Variants in CD247 observed in about 807,000 individuals in gnomAD.
CD247 encodes T-cell surface glycoprotein CD3 zeta chain.
CD247 carries 13 observed loss-of-function variants against 30.0 expected under a neutral mutation model. The observed-to-expected ratio is 0.43, with a 90% confidence interval of 0.28 to 0.69. CD247 has a LOEUF of 0.69. Ranked by LOEUF, CD247 falls within the 30% of genes least tolerant of loss-of-function variation. CD247 has a pLI of 0.16. For missense variants in CD247, 193 were observed against 212.6 expected, an observed-to-expected ratio of 0.91 and a Z score of 0.57; for synonymous variants, 72 against 80.0, an observed-to-expected ratio of 0.90 and a Z score of 0.53.
intron 1 of CD247, among the ~76,000 whole-genome samples, chr1:167,443,782 T>A (rs926423134): frequency 6.6e-6 from 1 of 152,044 alleles, no homozygotes; most frequent in Non-Finnish European, 1.5e-5. Context: ...TGATGACAAG[T>A]GTGCTGTGTG....
At chr1:167,485,804 C>A (rs886896131) in intron 1 of CD247, among the ~76,000 whole-genome samples, 9 of 152,266 alleles carry the variant, frequency 5.9e-5, no homozygotes, top group African/African-American at 2.2e-4. Context: ...CTATTTCCCA[C>A]CAAAACAATA....
chr1:167,458,571 C>A (rs1226308360), intron 1 of CD247: 2 of 152,078 alleles, frequency 1.3e-5, no homozygotes, highest in African/African-American at 4.8e-5. Context: ...GCTTGACGAA[C>A]TTTTACTCAT....
Position 167,491,427 on chromosome 1 carries a change from A to G in CD247, c.58+26981T>C, listed in dbSNP as rs1654445708. Among the ~76,000 whole-genome samples, 4 of 152,186 alleles carry G rather than the reference A, an allele frequency of 2.6e-5. No homozygotes were observed. The South Asian group carries it at 8.3e-4, about 32-fold the overall frequency. On this transcript the variant is annotated intron_variant, in intron 1 of 7. Coordinates refer to ENST00000362089, the MANE Select transcript of CD247 (RefSeq NM_198053.3). ...CTACTAAAAATACAAAATTAGCCGGACATGGTGGCCCATGCCTGTAATCCC... is the reference window on the plus strand; with the variant it reads ...CTACTAAAAATACAAAATTAGCCGGGCATGGTGGCCCATGCCTGTAATCCC...
intron 1 of CD247, among the ~76,000 whole-genome samples, chr1:167,446,381 C>T (rs1652078913): frequency 6.6e-6 from 1 of 152,154 alleles, no homozygotes; most frequent in Non-Finnish European, 1.5e-5. Flanking sequence ...GTCAGAAAGA[C>T]TCTAAGACTC....
intron 1 of CD247, among the ~76,000 whole-genome samples, chr1:167,489,682 G>T (rs373629880): frequency 2.6e-5 from 4 of 152,110 alleles, no homozygotes; most frequent in African/African-American, 7.2e-5. Flanking sequence ...GAGGCTGAAG[G>T]GTTCCTGCCC....
intron 1 of CD247, among the ~76,000 whole-genome samples, chr1:167,459,292 A>T (rs79431000): frequency 0.018 from 2,697 of 148,922 alleles, 86 homozygotes; most frequent in African/African-American, 0.063. Flanking sequence ...CCAATTGTTA[A>T]TTTTTTTTAA....
At chr1:167,441,832 T>TG in intron 1 of CD247, among the ~76,000 whole-genome samples, 1 of 152,212 alleles carries the variant, frequency 6.6e-6, no homozygotes, top group East Asian at 1.9e-4. Flanking sequence ...ATTTTTGGGC[T>TG]GGGGGCGGTG....
chr1:167,450,473 GAC>G (rs1652301753), intron 1 of CD247, among the ~76,000 whole-genome samples: 1 of 152,042 alleles, frequency 6.6e-6, no homozygotes, highest in Non-Finnish European at 1.5e-5. Flanking sequence ...CAGCCTGGTT[GAC>G]AGAGTGAGAC....
In CD247 at chr1:167,485,946, C is replaced by T. The variant is rs34588019; in HGVS notation, c.58+32462G>A. ...CAGGTAATTAACTGAAAGAAAACGA[C>T]TGGAGGCTGGGGAGGGGAGGGTTAA... On this transcript the variant is annotated intron_variant, in intron 1 of 7. Coordinates refer to ENST00000362089, the MANE Select transcript of CD247 (RefSeq NM_198053.3). Among the ~76,000 whole-genome samples the T allele has an allele frequency of 5.3e-3, 811 of 152,206 alleles. 6 individuals carry two copies. The highest frequency in any genetic ancestry group is 0.018 in the African/African-American group (742 of 41,524).
chr1:167,458,689 C>CTT (rs3070395), intron 1 of CD247: 1,140 of 95,324 alleles, frequency 0.012, 46 homozygotes, highest in Non-Finnish European at 0.015. Flanking sequence ...TTCTTTCTTT[C>CTT]TTTTTTTTTT....
intron 1 of CD247, among the ~76,000 whole-genome samples, chr1:167,498,072 C>T (rs1434242048): frequency 2.6e-5 from 4 of 152,136 alleles, no homozygotes; most frequent in Non-Finnish European, 5.9e-5. Context: ...TCTTGGGGAC[C>T]CTGGGATGTG....
chr1:167,489,371 T>A (rs903901281), intron 1 of CD247, among the ~76,000 whole-genome samples: 1 of 152,206 alleles, frequency 6.6e-6, no homozygotes, highest in African/African-American at 2.4e-5. Context: ...GAAACAGGGT[T>A]AATTAAAGAT....
chr1:167,472,424 C>T (rs1653569749), intron 1 of CD247, among the ~76,000 whole-genome samples: 1 of 152,148 alleles, frequency 6.6e-6, no homozygotes, highest in Admixed American at 6.5e-5. Context: ...CAGAATTATG[C>T]CTATGGCCAA....
chr1:167,441,833 G>T (rs146075233), intron 1 of CD247, among the ~76,000 whole-genome samples: 199 of 152,348 alleles, frequency 1.3e-3, no homozygotes, highest in African/African-American at 4.3e-3. Flanking sequence ...TTTTTGGGCT[G>T]GGGGCGGTGG....
intron 1 of CD247, among the ~76,000 whole-genome samples, chr1:167,470,872 C>CTTTTTTT (rs768647657): frequency 7.4e-6 from 1 of 134,264 alleles, no homozygotes. Flanking sequence ...TTCTTTCTTT[C>CTTTTTTT]TTTTTTTTTT....
At chr1:167,507,208 C>T (rs1239706626) in intron 1 of CD247, among the ~76,000 whole-genome samples, 1 of 151,510 alleles carries the variant, frequency 6.6e-6, no homozygotes, top group African/African-American at 2.4e-5. Flanking sequence ...TGTAAGCCAC[C>T]ACGCCTGGCC....
intron 2 of CD247, chr1:167,440,349 C>T (rs1362358235): frequency 2.4e-6 from 1 of 419,952 alleles, no homozygotes; most frequent in Non-Finnish European, 4.5e-6. Context: ...AAAGAAGGAC[C>T]TCTGCCTGAG....
intron 1 of CD247, among the ~76,000 whole-genome samples, chr1:167,451,916 G>A (rs930718337): frequency 6.6e-6 from 1 of 152,166 alleles, no homozygotes; most frequent in Non-Finnish European, 1.5e-5. Context: ...AGACCAGCCT[G>A]ACCAACATGG....
chr1:167,469,807 C>T (rs1653424602), intron 1 of CD247, among the ~76,000 whole-genome samples: 1 of 152,208 alleles, frequency 6.6e-6, no homozygotes, highest in African/African-American at 2.4e-5. Flanking sequence ...ATCTCTGCCT[C>T]TCCTAGATGT....
Sources: gnomAD v4.1 joint callset for allele counts (sites outside exome capture counted in the v4.1 genomes callset) on GRCh38, gnomAD v4.1.1 for gene constraint, MANE v1.5 for transcripts, NCBI Gene and HGNC (gene_info 2026-07-23, HGNC 2026-07-21) for gene names.